STC2: variants seen among roughly 807,000 people sequenced by gnomAD.
STC2 encodes stanniocalcin-2.
In STC2, 7 loss-of-function variants were observed where a neutral mutation model predicts 22.7. The ratio of observed to expected loss-of-function variants is 0.31; its 90% CI spans 0.18 to 0.58. The LOEUF is 0.58. STC2 is among the 20% of genes least tolerant of loss of function. The pLI is 0.89. For synonymous variants in STC2, 158 were observed against 163.4 expected (o/e 0.97, Z 0.25); for missense variants, 336 against 406.2 (o/e 0.83, Z 1.48).
intron 1 of STC2, 55 bp from the exon 2 acceptor site, chr5:173,326,065 T>C: frequency 6.4e-7 from 1 of 1,570,044 alleles, no homozygotes; most frequent in African/African-American, 1.4e-5. Context: ...TGCTGGGCAA[T>C]GCAGAGAGGT....
Position 173,328,116 on chromosome 5 carries a change from G to T in STC2, c.78C>A (p.Asp26Glu). 1.2e-6 allele frequency: 2 copies of T among 1,601,706 alleles called. No individual in the cohort carries two copies. The highest frequency in any genetic ancestry group is 1.7e-6 in the Non-Finnish European group (2 of 1,174,248). Residue 26 changes from aspartate (D) to glutamate (E), a missense_variant, in exon 1 of 4, where the codon GAC becomes GAA. Physicochemically the swap from Asp to Glu is conservative, Grantham distance 45. Transcript: ENST00000265087. ...GGGGACCCTCGGGTGGGTTGGTGGC[G>T]TCGGTCCCCCGCGCCGGGTCAAAGG... ...LATFDPARGTDATNPPEGPQD... is the reference protein window; with the variant it reads ...LATFDPARGTEATNPPEGPQD...
chr5:173,319,204 G>T (rs1376719351), intron 3 of STC2, among the ~76,000 whole-genome samples: 1 of 152,230 alleles, frequency 6.6e-6, no homozygotes, highest in Non-Finnish European at 1.5e-5. Context: ...TGGACAAGGT[G>T]TGCAGAAGGC....
At position 173,317,199 on chromosome 5, in the gene STC2, C is replaced by G. The variant is rs1034670056; in HGVS notation, c.*648G>C. 6.6e-6 allele frequency: 1 copy of G among 152,562 alleles called. No individual in the cohort carries two copies. The highest frequency in any genetic ancestry group is 2.4e-5 in the African/African-American group (1 of 41,424). The allele number at this position is 152,562 out of a possible 1,614,324, so 9.5% of individuals were successfully genotyped here. A position where few individuals can be genotyped will look rare whatever the true frequency, so the allele number is the denominator to read the frequency against. ...CCACTCCCTTGGACAGTGTCCCCCC[C>G]AGCCCAGACAGTACAATGGCTCAGA... is the stretch of plus-strand genomic sequence containing the variant. On this transcript the variant is annotated 3_prime_UTR_variant, in exon 4 of 4. Transcript: ENST00000265087.
rs761068505 is a variant in STC2, at chr5:173,315,597, T to C, written c.*2250A>G. 1.3e-5 allele frequency: 2 copies of C among 152,296 alleles called. No individual in the cohort carries two copies. Among genetic ancestry groups the C allele is most frequent in the Non-Finnish European group, 2.9e-5 (2 of 68,038 alleles). The allele number at this position is 152,296 out of a possible 1,614,324, so 9.4% of individuals were successfully genotyped here. A position where few individuals can be genotyped will look rare whatever the true frequency, so the allele number is the denominator to read the frequency against. ...GAGGAAAATGGAAATGTGATGCCTTTCACACATCCAGTCCAGGAGCTGGCG... is the reference window on the plus strand; with the variant it reads ...GAGGAAAATGGAAATGTGATGCCTTCCACACATCCAGTCCAGGAGCTGGCG... On this transcript the variant is annotated 3_prime_UTR_variant, in exon 4 of 4. Transcript: ENST00000265087.
chr5:173,327,590 G>A (rs761823846), intron 1 of STC2, among the ~76,000 whole-genome samples: 7 of 152,268 alleles, frequency 4.6e-5, no homozygotes, highest in South Asian at 2.1e-4. Context: ...CATCTTTTGA[G>A]GAGGGGGAAG....
chr5:173,318,791 G>A (rs1478007930), intron 3 of STC2, among the ~76,000 whole-genome samples: 3 of 152,212 alleles, frequency 2.0e-5, no homozygotes, highest in Non-Finnish European at 4.4e-5. Context: ...TTTTCCCCAT[G>A]TTTGTGTTTG....
At position 173,315,571 on chromosome 5, in the gene STC2, G is replaced by A. The variant is rs139081944; in HGVS notation, c.*2276C>T. The A allele has an allele frequency of 5.9e-5, 9 of 152,342 alleles. No homozygotes were observed. Among genetic ancestry groups the A allele is most frequent in the East Asian group, 3.9e-4 (2 of 5,190 alleles). The allele number at this position is 152,342 out of a possible 1,614,324, so 9.4% of individuals were successfully genotyped here. A position where few individuals can be genotyped will look rare whatever the true frequency, so the allele number is the denominator to read the frequency against. On this transcript the variant is annotated 3_prime_UTR_variant, in exon 4 of 4. Coordinates refer to ENST00000265087, the MANE Select transcript of STC2 (RefSeq NM_003714.3). ...AGGCGAACACATAAAACATTTACAC[G>A]GAGGAAAATGGAAATGTGATGCCTT... is the stretch of plus-strand genomic sequence containing the variant.
Position 173,323,537 on chromosome 5 carries a change from C to T in STC2, c.295-107G>A. On this transcript the variant is annotated intron_variant, in intron 2 of 3. Coordinates refer to ENST00000265087, the MANE Select transcript of STC2 (RefSeq NM_003714.3). This position sits in a 1 kb window ranked among gnomAD's most constrained non-coding sequence, Gnocchi z 5.4. ...TTGGGCTTACACAGGATATTTCTGACATCAGAACCCCAAGGCCCCACCAGA... is the reference window on the plus strand; with the variant it reads ...TTGGGCTTACACAGGATATTTCTGATATCAGAACCCCAAGGCCCCACCAGA... The T allele has an allele frequency of 9.0e-7, 1 of 1,111,336 alleles. No individual in the cohort carries two copies. 68.8% of individuals were successfully genotyped at this position (1,111,336 alleles called of 1,614,324 possible). A position where few individuals can be genotyped will look rare whatever the true frequency, so the allele number is the denominator to read the frequency against.
chr5:173,319,905 G>T (rs574917587), intron 3 of STC2, among the ~76,000 whole-genome samples: 2 of 152,236 alleles, frequency 1.3e-5, no homozygotes, highest in African/African-American at 2.4e-5. Context: ...CCCTGACAGC[G>T]CAAGACAACC....
chr5:173,317,633 A>C lies in STC2; in HGVS notation c.*214T>G, dbSNP rs1561642347. 2.1e-6 allele frequency: 1 copy of C among 481,140 alleles called. No homozygotes were observed. Among genetic ancestry groups the C allele is most frequent in the East Asian group, 3.3e-5 (1 of 30,464 alleles). 29.8% of individuals were successfully genotyped at this position (481,140 alleles called of 1,614,324 possible). ...GGGCGCGCTCCCTTGAGTACGTGTA[A>C]GTGCAGAATTCACCAGGCACCCCTG... On this transcript the variant is annotated 3_prime_UTR_variant, in exon 4 of 4. Coordinates refer to ENST00000265087, the MANE Select transcript of STC2 (RefSeq NM_003714.3).
At chr5:173,322,888 C>T in intron 3 of STC2, 1 of 362,144 alleles carries the variant, frequency 2.8e-6, no homozygotes, top group South Asian at 2.9e-5. Flanking sequence ...GACACCTCTA[C>T]AGCTACTCAG....
At position 173,315,498 on chromosome 5, in the gene STC2, A is replaced by T. The variant is rs1762410013; in HGVS notation, c.*2349T>A. 1 of 152,210 alleles carries T rather than the reference A, an allele frequency of 6.6e-6. No homozygotes were observed. Among genetic ancestry groups the T allele is most frequent in the Non-Finnish European group, 1.5e-5 (1 of 68,044 alleles). 9.4% of individuals were successfully genotyped at this position (152,210 alleles called of 1,614,324 possible). On this transcript the variant is annotated 3_prime_UTR_variant, in exon 4 of 4. Coordinates refer to ENST00000265087, the MANE Select transcript of STC2 (RefSeq NM_003714.3). Reference sequence around the variant, plus strand: ...CTTAGGGGGAAAACACAGAGATAATAAATACAAATGACAAATATTTACAAT... The same window carrying T: ...CTTAGGGGGAAAACACAGAGATAATTAATACAAATGACAAATATTTACAAT...
At chr5:173,318,867 T>C (rs1443321029) in intron 3 of STC2, among the ~76,000 whole-genome samples, 1 of 152,196 alleles carries the variant, frequency 6.6e-6, no homozygotes, top group East Asian at 1.9e-4. Flanking sequence ...TTCCTCTGCA[T>C]CTGGAGGAGT....
chr5:173,328,265 C>T lies in STC2; in HGVS notation c.-72G>A, dbSNP rs1171176792. The T allele has an allele frequency of 1.5e-6, 2 of 1,358,482 alleles. No individual in the cohort carries two copies. The highest frequency in any genetic ancestry group is 2.8e-5 in the East Asian group (1 of 36,278). The allele number at this position is 1,358,482 out of a possible 1,614,324, so 84.2% of individuals were successfully genotyped here. On this transcript the variant is annotated 5_prime_UTR_variant, in exon 1 of 4. Transcript: ENST00000265087. ...TCCCCTCTTCCTCCTCCTCCTCTTC[C>T]TCCTTCGCCGCTTCCCCTCCTCCTC...
intron 1 of STC2, among the ~76,000 whole-genome samples, chr5:173,326,404 A>C (rs1279359660): frequency 6.6e-6 from 1 of 152,208 alleles, no homozygotes; most frequent in Admixed American, 6.5e-5. Flanking sequence ...GTACTTCATC[A>C]ATGAAGTACC....
chr5:173,320,650 T>C (rs956702067), intron 3 of STC2, among the ~76,000 whole-genome samples: 1 of 120,556 alleles, frequency 8.3e-6, no homozygotes, highest in African/African-American at 3.4e-5. Context: ...CAGGAAGGGG[T>C]GAGGGGAGCG....
At chr5:173,321,191 C>T (rs991915309) in intron 3 of STC2, among the ~76,000 whole-genome samples, 3 of 151,340 alleles carry the variant, frequency 2.0e-5, no homozygotes, top group Admixed American at 1.3e-4. Context: ...GAAGGAGACA[C>T]TAGAACGCCA....
chr5:173,328,389 A>C lies in STC2; in HGVS notation c.-196T>G. ...CCCGTAGCTCTCCGGAGAGCATGTG[A>C]CCAGGCCGTTAGCAGCGCCGCGAGT... On this transcript the variant is annotated 5_prime_UTR_variant, in exon 1 of 4. Transcript: ENST00000265087. The C allele has an allele frequency of 2.1e-6, 1 of 469,706 alleles. No homozygotes were observed. Among genetic ancestry groups the C allele is most frequent in the Non-Finnish European group, 3.5e-6 (1 of 284,922 alleles). 29.1% of individuals were successfully genotyped at this position (469,706 alleles called of 1,614,324 possible). A position where few individuals can be genotyped will look rare whatever the true frequency, so the allele number is the denominator to read the frequency against.
At chr5:173,326,262 G>T (rs1402400461) in intron 1 of STC2, among the ~76,000 whole-genome samples, 1 of 152,104 alleles carries the variant, frequency 6.6e-6, no homozygotes, top group Non-Finnish European at 1.5e-5. Context: ...CAACCAGAAG[G>T]CTGGTCTGAG....
Sources: gnomAD v4.1 joint callset for allele counts (sites outside exome capture counted in the v4.1 genomes callset) on GRCh38, gnomAD v4.1.1 for gene constraint, Gnocchi (gnomAD v3.1) non-coding constraint, MANE v1.5 for transcripts, NCBI Gene and HGNC (gene_info 2026-07-23, HGNC 2026-07-21) for gene names.